Variants in SOX5 observed in about 807,000 individuals in gnomAD.
The protein encoded by SOX5 is transcription factor SOX-5.
A neutral mutation model predicts 92.0 loss-of-function variants in SOX5; 9 were observed. The observed-to-expected ratio is 0.10, with a 90% CI of 0.06 to 0.17. SOX5 has a LOEUF of 0.17. Among genes scored for constraint, SOX5 ranks in the 10% least tolerant of loss-of-function variants. The pLI is 1.00. For missense variants in SOX5, 642 were observed against 944.5 expected, an observed-to-expected ratio of 0.68 and a Z score of 4.20; for synonymous variants, 344 against 336.3, an observed-to-expected ratio of 1.02 and a Z score of -0.25.
rs537482657 is a variant in SOX5, at chr12:23,533,662, G to T, written c.*557C>A. ...TCTTTAAAGTAGAGAGATGGAGAAG[G>T]TGGAGAGAAGTAAAGAGAAATTCAT... On this transcript the variant is annotated 3_prime_UTR_variant, in exon 15 of 15. Transcript: ENST00000451604. 3 of 152,722 alleles carry T rather than the reference G, an allele frequency of 2.0e-5. No homozygotes were observed. Among genetic ancestry groups the T allele is most frequent in the Non-Finnish European group, 4.4e-5 (3 of 68,290 alleles). The allele number at this position is 152,722 out of a possible 1,614,324, so 9.5% of individuals were successfully genotyped here.
intron 1 of SOX5, among the ~76,000 whole-genome samples, chr12:24,531,828 T>C (rs1336505035): frequency 2.0e-5 from 3 of 152,138 alleles, no homozygotes; most frequent in African/African-American, 7.2e-5. Context: ...AGTAAGAAAA[T>C]TTGCCCGCTG....
intron 4 of SOX5, among the ~76,000 whole-genome samples, chr12:24,037,906 G>A (rs115768646): frequency 6.6e-6 from 1 of 151,982 alleles, no homozygotes; most frequent in Non-Finnish European, 1.5e-5. Context: ...TTTTTACACA[G>A]AACACTGATG....
At chr12:24,039,987 T>C (rs1177223252) in intron 4 of SOX5, among the ~76,000 whole-genome samples, 1 of 152,184 alleles carries the variant, frequency 6.6e-6, no homozygotes, top group African/African-American at 2.4e-5. Context: ...TACATATTTT[T>C]CTAAGTTGCT....
At chr12:24,331,606 T>A (rs976859717) in intron 2 of SOX5, among the ~76,000 whole-genome samples, 2 of 151,936 alleles carry the variant, frequency 1.3e-5, no homozygotes, top group Non-Finnish European at 2.9e-5. Context: ...TCCCAGCACT[T>A]TGGGAGGCCA....
At chr12:23,683,814 C>T (rs1477632472) in intron 6 of SOX5, among the ~76,000 whole-genome samples, 1 of 152,004 alleles carries the variant, frequency 6.6e-6, no homozygotes, top group Admixed American at 6.6e-5. Context: ...CTAACCCTAA[C>T]ACCCCATTGG....
intron 4 of SOX5, among the ~76,000 whole-genome samples, chr12:24,207,364 A>G (rs1317583320): frequency 1.3e-5 from 2 of 152,182 alleles, no homozygotes; most frequent in Non-Finnish European, 2.9e-5. Flanking sequence ...GCCACGTTCA[A>G]CCAATGAAAA....
At chr12:24,110,799 G>A (rs997534600) in intron 4 of SOX5, among the ~76,000 whole-genome samples, 114 of 150,960 alleles carry the variant, frequency 7.6e-4, no homozygotes, top group African/African-American at 2.6e-3. Context: ...TACTCGGGAG[G>A]CTGAGGCGGA....
intron 1 of SOX5, among the ~76,000 whole-genome samples, chr12:24,489,427 T>C (rs547615994): frequency 2.2e-4 from 33 of 152,140 alleles, no homozygotes; most frequent in African/African-American, 8.0e-4. Flanking sequence ...GGGGTCTAAG[T>C]GGACTTGCGG....
At chr12:23,827,520 G>C (rs1430785517) in intron 3 of SOX5, among the ~76,000 whole-genome samples, 2 of 152,160 alleles carry the variant, frequency 1.3e-5, no homozygotes, top group Non-Finnish European at 2.9e-5. Context: ...GTATTTACTT[G>C]TTCAGGGCCT....
intron 1 of SOX5, among the ~76,000 whole-genome samples, chr12:24,379,300 A>C (rs1230944696): frequency 6.6e-6 from 1 of 152,226 alleles, no homozygotes; most frequent in Non-Finnish European, 1.5e-5. Flanking sequence ...AAGTTAAAAG[A>C]GTGGTGTTGA....
intron 1 of SOX5, among the ~76,000 whole-genome samples, chr12:24,443,688 A>T (rs183831961): frequency 6.6e-6 from 1 of 152,344 alleles, no homozygotes; most frequent in East Asian, 1.9e-4. Context: ...GAAGGATAAT[A>T]TCTCCTGGCA....
intron 1 of SOX5, among the ~76,000 whole-genome samples, chr12:24,371,242 G>A (rs1956705319): frequency 6.6e-6 from 1 of 152,190 alleles, no homozygotes; most frequent in Admixed American, 6.5e-5. Flanking sequence ...CTACGGACAA[G>A]CCCTAGCTAA....
chr12:24,316,071 GAC>G (rs1949670306), intron 2 of SOX5, among the ~76,000 whole-genome samples: 1 of 152,226 alleles, frequency 6.6e-6, no homozygotes, highest in Non-Finnish European at 1.5e-5. Flanking sequence ...CCATGCCAGG[GAC>G]AGTCACCTGT....
In SOX5 at chr12:23,792,659, A is replaced by AAAAAAAAAAC. The variant is rs2095496767; in HGVS notation, c.482-36936_482-36935insGTTTTTTTTT. Among the ~76,000 whole-genome samples the AAAAAAAAAAC allele has an allele frequency of 1.5e-4, 20 of 132,460 alleles. 1 individual carries two copies. Among genetic ancestry groups the AAAAAAAAAAC allele is most frequent in the African/African-American group, 5.2e-4 (19 of 36,566 alleles). The allele number at this position is 132,460 out of a possible 152,430, so 86.9% of individuals were successfully genotyped here. A position where few individuals can be genotyped will look rare whatever the true frequency, so the allele number is the denominator to read the frequency against. ...AAAAAAAAAAAAAAAAAAAAAAAAA[A>AAAAAAAAAAC]AAACTTGGACAAAGCACTGCGATAT... On this transcript the variant is annotated intron_variant, in intron 3 of 14. Transcript: ENST00000451604.
At chr12:23,636,389 A>T (rs2079243654) in intron 8 of SOX5, among the ~76,000 whole-genome samples, 1 of 152,204 alleles carries the variant, frequency 6.6e-6, no homozygotes. Flanking sequence ...AATAAACAGT[A>T]GTTTGCTTTA....
intron 2 of SOX5, among the ~76,000 whole-genome samples, chr12:24,334,208 C>A (rs1951648469): frequency 6.6e-6 from 1 of 151,530 alleles, no homozygotes; most frequent in African/African-American, 2.4e-5. Flanking sequence ...TTTCTGAATA[C>A]AAAAACAACA....
At chr12:23,789,980 A>G (rs1594451814) in intron 3 of SOX5, among the ~76,000 whole-genome samples, 1 of 152,330 alleles carries the variant, frequency 6.6e-6, no homozygotes, top group Middle Eastern at 3.4e-3. Context: ...TATGGTAAAT[A>G]TCACAGAATG....
At chr12:24,080,333 G>A (rs1338826092) in intron 4 of SOX5, among the ~76,000 whole-genome samples, 1 of 151,814 alleles carries the variant, frequency 6.6e-6, no homozygotes, top group Admixed American at 6.6e-5. Context: ...CTAACATATA[G>A]GAACTCAATA....
At chr12:23,582,486 C>T (rs1434520884) in intron 9 of SOX5, among the ~76,000 whole-genome samples, 1 of 152,156 alleles carries the variant, frequency 6.6e-6, no homozygotes, top group Non-Finnish European at 1.5e-5. Context: ...GTAGCCATCC[C>T]AACTCCTTAT....
Sources: allele counts gnomAD v4.1 joint callset (sites outside exome capture counted in the v4.1 genomes callset), GRCh38; gene constraint gnomAD v4.1.1; transcripts MANE v1.5; gene names NCBI Gene and HGNC (gene_info 2026-07-23, HGNC 2026-07-21).